PIR: variants seen among roughly 807,000 people sequenced by gnomAD.
PIR encodes the protein pirin.
A neutral mutation model predicts 24.2 loss-of-function variants in PIR; 22 were observed. The ratio of observed to expected loss-of-function variants is 0.91; its 90% CI spans 0.65 to 1.30. The LOEUF (loss-of-function observed/expected upper bound fraction) is 1.30, where lower values mean the gene tolerates loss of function less well. Among genes scored for constraint, PIR ranks in the 50% most tolerant of loss-of-function variants. PIR has a pLI of 0.00. For synonymous variants in PIR, 80 were observed against 79.6 expected, an observed-to-expected ratio of 1.00 and a Z score of -0.03; for missense variants, 220 against 220.3, an observed-to-expected ratio of 1.00 and a Z score of 0.01.
chrX:15,459,047 A>G (rs1316849168), intron 4 of PIR, among the ~76,000 whole-genome samples: 1 of 112,572 alleles, frequency 8.9e-6, no homozygotes, highest in Non-Finnish European at 1.9e-5. Flanking sequence ...AGTACCTGGT[A>G]TAGAGTTTCG....
At chrX:15,468,593 G>A (rs1035205691) in intron 3 of PIR, among the ~76,000 whole-genome samples, 2 of 112,045 alleles carry the variant, frequency 1.8e-5, no homozygotes, top group African/African-American at 3.2e-5. Context: ...TTATGGGTAC[G>A]TTATTATTAT....
chrX:15,409,467 G>A (rs971567774), intron 6 of PIR, among the ~76,000 whole-genome samples: 1 of 111,144 alleles, frequency 9.0e-6, no homozygotes, highest in Non-Finnish European at 1.9e-5. Context: ...ATGTACTTTA[G>A]AGGAAGATAC....
intron 7 of PIR, among the ~76,000 whole-genome samples, chrX:15,398,669 G>GGTGTGTGTGTGTGTGTGTGT (rs371177726): frequency 2.6e-5 from 2 of 76,110 alleles, no homozygotes; most frequent in Admixed American, 1.6e-4. Flanking sequence ...GAGGAGGGAG[G>GGTGTGTGTGTGTGTGTGTGT]GTGTGTGTGT....
chrX:15,390,394 C>T, intron 8 of PIR, 143 bp from the exon 9 acceptor site: 1 of 360,788 alleles, frequency 2.8e-6, no homozygotes, highest in Non-Finnish European at 4.9e-6. Context: ...TTCTGTGCAA[C>T]ACTCAATATA....
chrX:15,477,332 G>T (rs1922246566), intron 3 of PIR, among the ~76,000 whole-genome samples: 1 of 111,248 alleles, frequency 9.0e-6, no homozygotes, highest in African/African-American at 3.3e-5. Context: ...CTATATAGTT[G>T]CCATGATCAC....
At chrX:15,481,883 T>C (rs1051278608) in intron 2 of PIR, among the ~76,000 whole-genome samples, 5 of 111,992 alleles carry the variant, frequency 4.5e-5, no homozygotes, top group Non-Finnish European at 7.5e-5. Flanking sequence ...TGGGTTTTTA[T>C]GGGCCTGGCT....
chrX:15,468,638 C>A (rs1369624350), intron 3 of PIR, among the ~76,000 whole-genome samples: 4 of 112,336 alleles, frequency 3.6e-5, no homozygotes, highest in Non-Finnish European at 5.6e-5. Context: ...GATTTAATTT[C>A]TCAAACTTTG....
chrX:15,454,592 T>A (rs915911394), intron 5 of PIR, among the ~76,000 whole-genome samples: 3 of 111,647 alleles, frequency 2.7e-5, no homozygotes, highest in Non-Finnish European at 3.8e-5. Context: ...AACCATCCCA[T>A]GCATCCCATT....
intron 2 of PIR, among the ~76,000 whole-genome samples, chrX:15,480,115 C>G (rs5935987): frequency 6.0e-4 from 65 of 108,742 alleles, no homozygotes; most frequent in African/African-American, 1.5e-3. Flanking sequence ...GTTCTTGTGA[C>G]AGTGAATGGG....
chrX:15,396,841 C>T (rs947637817), intron 8 of PIR, among the ~76,000 whole-genome samples: 20 of 110,481 alleles, frequency 1.8e-4, no homozygotes, highest in Middle Eastern at 4.7e-3. Context: ...CCCGGGTTCA[C>T]GCCATTCTTC....
At chrX:15,413,587 C>G (rs901914884) in intron 6 of PIR, among the ~76,000 whole-genome samples, 11 of 111,643 alleles carry the variant, frequency 9.9e-5, no homozygotes, top group Non-Finnish European at 1.9e-4. Context: ...TGAATATAAA[C>G]AGCAAGATAA....
chrX:15,433,014 G>T (rs980380684), intron 5 of PIR, among the ~76,000 whole-genome samples: 1 of 112,324 alleles, frequency 8.9e-6, no homozygotes, highest in Admixed American at 9.4e-5. Flanking sequence ...GACAGGTGAG[G>T]GTGGGGAGAA....
chrX:15,491,401 A>C, intron 1 of PIR, 92 bp from the exon 2 acceptor site: 5 of 409,882 alleles, frequency 1.2e-5, no homozygotes, highest in East Asian at 4.0e-5. Flanking sequence ...GATGCGCAAA[A>C]TAGTAGCAGC....
chrX:15,410,230 G>A (rs1924696622), intron 6 of PIR, among the ~76,000 whole-genome samples: 2 of 110,566 alleles, frequency 1.8e-5, no homozygotes, highest in Admixed American at 9.6e-5. Flanking sequence ...CAGCCTGGGC[G>A]ACAGAGCAAG....
At chrX:15,437,610 A>G (rs1925790628) in intron 5 of PIR, among the ~76,000 whole-genome samples, 1 of 112,267 alleles carries the variant, frequency 8.9e-6, no homozygotes, top group African/African-American at 3.2e-5. Context: ...TGCTTTAAAT[A>G]TATTCCAAAA....
chrX:15,393,620 T>C (rs1363126067), intron 8 of PIR, among the ~76,000 whole-genome samples: 4 of 110,751 alleles, frequency 3.6e-5, no homozygotes, highest in African/African-American at 1.3e-4. Flanking sequence ...AGATCAGCAG[T>C]GGTGCTGGAT....
intron 4 of PIR, among the ~76,000 whole-genome samples, chrX:15,457,560 T>C (rs2147060069): frequency 8.9e-6 from 1 of 111,871 alleles, no homozygotes; most frequent in East Asian, 2.8e-4. Context: ...TATCTGAGGG[T>C]GCAATCTTCA....
At chrX:15,469,969 G>T (rs1921798936) in intron 3 of PIR, among the ~76,000 whole-genome samples, 1 of 111,735 alleles carries the variant, frequency 8.9e-6, no homozygotes, top group Non-Finnish European at 1.9e-5. Flanking sequence ...ATAGTTTTAT[G>T]GTCTATGTCA....
intron 5 of PIR, among the ~76,000 whole-genome samples, chrX:15,431,000 T>G (rs1925487244): frequency 8.9e-6 from 1 of 112,363 alleles, no homozygotes; most frequent in African/African-American, 3.2e-5. Flanking sequence ...TTTGTGAATG[T>G]AATAAATTGT....
Sources: allele counts gnomAD v4.1 joint callset (sites outside exome capture counted in the v4.1 genomes callset), GRCh38; gene constraint gnomAD v4.1.1; transcripts MANE v1.5; gene names NCBI Gene and HGNC (gene_info 2026-07-23, HGNC 2026-07-21).